The following HLA-DMB variants were observed in gnomAD, a reference collection of about 807,000 sequenced individuals.
The protein encoded by HLA-DMB is HLA class II histocompatibility antigen, DM beta chain.
In HLA-DMB, 18 loss-of-function variants were observed where a neutral mutation model predicts 29.3. The ratio of observed to expected loss-of-function variants is 0.62; its 90% CI spans 0.43 to 0.91. The LOEUF (loss-of-function observed/expected upper bound fraction) is 0.91, where lower values mean the gene tolerates loss of function less well. Ranked by LOEUF, HLA-DMB falls within the 40% of genes least tolerant of loss-of-function variation. The pLI is 0.00. For synonymous variants in HLA-DMB, 143 were observed against 128.7 expected (o/e 1.11, Z -0.75); for missense variants, 258 against 320.9 (o/e 0.80, Z 1.50).
chr6:32,935,808 C>T, intron 3 of HLA-DMB, 156 bp from the exon 4 acceptor site: 2 of 621,372 alleles, frequency 3.2e-6, no homozygotes, highest in Non-Finnish European at 5.8e-6. Flanking sequence ...TGATCTTTCT[C>T]AAATCAAACC....
chr6:32,935,405 CA>C, intron 4 of HLA-DMB, 28 bp from the exon 5 acceptor site: 2 of 1,590,872 alleles, frequency 1.3e-6, no homozygotes, highest in Non-Finnish European at 1.7e-6. Flanking sequence ...TTGATTATAC[CA>C]GTCTTTGTGG....
rs1328546953 is a variant in HLA-DMB, at chr6:32,937,232, C to T, written c.562G>A (p.Asp188Asn). ...TGCTCTACCACACAGGTGTAAGTGT[C>T]CCCGTAAGAGGGGGTTAAGGCTAAA... ...SHLALTPSYG[D>N]TYTCVVEHTG... The change falls in exon 3 of 6, where the codon GAC becomes AAC. Residue 188 changes from aspartate (D) to asparagine (N), a missense_variant. By Grantham distance (23) the Asp-to-Asn change is conservative. Transcript: ENST00000418107. The surrounding 1 kb of genome is among the most constrained non-coding windows in gnomAD (Gnocchi z 4.1). 6.2e-7 allele frequency: 1 copy of T among 1,613,824 alleles called. No individual in the cohort carries two copies. The highest frequency in any genetic ancestry group is 2.2e-5 in the East Asian group (1 of 44,846).
In HLA-DMB at chr6:32,940,671, T is replaced by C; in HGVS notation, c.55+82A>G. ...CCAGGGAGACAAACTATCTGGGGTGTCAAATGCAATTACAAAACGGAACAC... is the reference window on the plus strand; with the variant it reads ...CCAGGGAGACAAACTATCTGGGGTGCCAAATGCAATTACAAAACGGAACAC... On this transcript the variant is annotated intron_variant, in intron 1 of 5. Transcript: ENST00000418107. The C allele has an allele frequency of 2.9e-6, 3 of 1,034,220 alleles. No individual in the cohort carries two copies. In the East Asian group the frequency reaches 7.8e-5, roughly 27 times the overall value. 64.1% of individuals were successfully genotyped at this position (1,034,220 alleles called of 1,614,324 possible).
intron 5 of HLA-DMB, 49 bp downstream of exon 5, chr6:32,935,293 G>A (rs374827604): frequency 2.4e-5 from 35 of 1,484,394 alleles, no homozygotes; most frequent in East Asian, 4.5e-5. Context: ...CCTCTAACCC[G>A]CACCCCTACC....
chr6:32,938,444 A>C (rs139288351), intron 2 of HLA-DMB: 1 of 402,270 alleles, frequency 2.5e-6, no homozygotes, highest in African/African-American at 2.1e-5. Flanking sequence ...CCTCTGCATA[A>C]GCTCCCCACA....
rs1776087231 is a variant in HLA-DMB, at chr6:32,937,613, A to C, written c.338-157T>G. On this transcript the variant is annotated intron_variant, in intron 2 of 5. Coordinates refer to ENST00000418107, the MANE Select transcript of HLA-DMB (RefSeq NM_002118.5). This position sits in a 1 kb window ranked among gnomAD's most constrained non-coding sequence, Gnocchi z 4.1. ...CTGCCCCTTGAAGGGGAACCGTTAG[A>C]ATGTATTCCTGCATTACTCTTTCTT... The C allele has an allele frequency of 1.6e-6, 1 of 623,194 alleles. No individual in the cohort carries two copies. Among genetic ancestry groups the C allele is most frequent in the Non-Finnish European group, 2.8e-6 (1 of 355,988 alleles). The allele number at this position is 623,194 out of a possible 1,614,324, so 38.6% of individuals were successfully genotyped here.
chr6:32,938,454 A>G, intron 2 of HLA-DMB: 1 of 410,634 alleles, frequency 2.4e-6, no homozygotes, highest in Non-Finnish European at 4.3e-6. Flanking sequence ...AGCTCCCCAC[A>G]TGGCACCTCG....
chr6:32,935,498 G>A, intron 4 of HLA-DMB, 38 bp downstream of exon 4: 1 of 1,555,674 alleles, frequency 6.4e-7, no homozygotes, highest in Non-Finnish European at 8.9e-7. Flanking sequence ...CAGAGAGTGG[G>A]ACCAAGAGTG....
chr6:32,936,765 G>A (rs1309227991), intron 3 of HLA-DMB: 2 of 159,602 alleles, frequency 1.3e-5, no homozygotes, highest in African/African-American at 4.8e-5. Context: ...TGAAATCTAA[G>A]GAGGCTAGAA....
intron 4 of HLA-DMB, 27 bp from the exon 5 acceptor site, chr6:32,935,404 C>G: frequency 1.3e-6 from 2 of 1,592,834 alleles, no homozygotes; most frequent in Non-Finnish European, 1.7e-6. Context: ...CTTGATTATA[C>G]CAGTCTTTGT....
In HLA-DMB at chr6:32,935,659, A is replaced by G. The variant is rs1020513349; in HGVS notation, c.623-7T>C. 1.9e-6 allele frequency: 3 copies of G among 1,605,622 alleles called. No individual in the cohort carries two copies. The Admixed American group carries it at 5.0e-5, about 27-fold the overall frequency. ...ATGGGGGACAGCCCAGGTGCTGCAA[A>G]AAATAGAAACTTACTTGACCCAGTT... is the stretch of plus-strand genomic sequence containing the variant. On this transcript the variant is annotated splice_polypyrimidine_tract_variant and splice_region_variant and intron_variant, in intron 3 of 5. Transcript: ENST00000418107.
intron 3 of HLA-DMB, chr6:32,935,876 T>A: frequency 3.5e-6 from 2 of 578,548 alleles, no homozygotes; most frequent in South Asian, 4.3e-5. Flanking sequence ...TCCCCAGAAT[T>A]AGCATCCTGG....
At chr6:32,939,778 A>G (rs534594047) in intron 1 of HLA-DMB, among the ~76,000 whole-genome samples, 1 of 152,332 alleles carries the variant, frequency 6.6e-6, no homozygotes. Flanking sequence ...TACAATAATA[A>G]GTAAACTTTT....
At chr6:32,938,574 T>C in intron 2 of HLA-DMB, 110 bp downstream of exon 2, 2 of 1,096,856 alleles carry the variant, frequency 1.8e-6, no homozygotes, top group South Asian at 4.3e-5. Flanking sequence ...CCACACATTT[T>C]CTCTTATTTG....
rs117660980 is a variant in HLA-DMB at position 32,937,544 on chromosome 6, G to A, written c.338-88C>T. The A allele has an allele frequency of 4.0e-5, 55 of 1,372,638 alleles. No individual in the cohort carries two copies. The highest frequency in any genetic ancestry group is 9.3e-5 in the East Asian group (4 of 43,084). 85.0% of individuals were successfully genotyped at this position (1,372,638 alleles called of 1,614,324 possible). On this transcript the variant is annotated intron_variant, in intron 2 of 5. Coordinates refer to ENST00000418107, the MANE Select transcript of HLA-DMB (RefSeq NM_002118.5). The surrounding 1 kb of genome is among the most constrained non-coding windows in gnomAD (Gnocchi z 4.1). ...GGTTTCTTCCCTATCGCAACTCTTC[G>A]TAGATTTTGCAACCCACTTTCCACC...
chr6:32,937,350 C>A lies in HLA-DMB; in HGVS notation c.444G>T (p.Thr148=). The change falls in exon 3 of 6, where the codon ACG becomes ACT. Residue 148 remains threonine (T), a synonymous_variant. Transcript: ENST00000418107. The surrounding 1 kb of genome is among the most constrained non-coding windows in gnomAD (Gnocchi z 4.1). ...WGFYPAEVTI[T]WRKNGKLVMP... is the part of the protein sequence containing the mutation. ...TGACAAGCTTCCCGTTCTTCCTCCA[C>A]GTGATAGTCACTTCTGCTGGATAGA... The A allele has an allele frequency of 6.2e-7, 1 of 1,614,208 alleles. No homozygotes were observed. The highest frequency in any genetic ancestry group is 2.2e-5 in the East Asian group (1 of 44,886).
Position 32,937,463 on chromosome 6 carries a change from A to C in HLA-DMB, c.338-7T>G. On this transcript the variant is annotated splice_polypyrimidine_tract_variant and splice_region_variant and intron_variant, in intron 2 of 5. Coordinates refer to ENST00000418107, the MANE Select transcript of HLA-DMB (RefSeq NM_002118.5). The surrounding 1 kb of genome is among the most constrained non-coding windows in gnomAD (Gnocchi z 4.1). ...ACTTGCACAGATGGTGGCCCTGCAT[A>C]GGAGAAAAAAACATGTTTAGGAAGG... 6.2e-7 allele frequency: 1 copy of C among 1,607,204 alleles called. No homozygotes were observed. Among genetic ancestry groups the C allele is most frequent in the Non-Finnish European group, 8.5e-7 (1 of 1,175,132 alleles).
At chr6:32,936,675 T>G (rs1426358376) in intron 3 of HLA-DMB, 1 of 153,304 alleles carries the variant, frequency 6.5e-6, no homozygotes, top group East Asian at 1.9e-4. Flanking sequence ...AATGCAGTAC[T>G]GCCCCACACC....
In HLA-DMB at chr6:32,934,898, T is replaced by G; in HGVS notation, c.*73A>C. On this transcript the variant is annotated 3_prime_UTR_variant, in exon 6 of 6. Transcript: ENST00000418107. ...AGATAATGTCAGGGGGTTGAAGATGTTGGAGAGGCATGGTAGCATCATTGA... is the reference window on the plus strand; with the variant it reads ...AGATAATGTCAGGGGGTTGAAGATGGTGGAGAGGCATGGTAGCATCATTGA... 2.9e-6 allele frequency: 4 copies of G among 1,388,038 alleles called. No homozygotes were observed. The highest frequency in any genetic ancestry group is 4.1e-6 in the Non-Finnish European group (4 of 975,730). 86.0% of individuals were successfully genotyped at this position (1,388,038 alleles called of 1,614,324 possible).
Sources: allele counts gnomAD v4.1 joint callset (sites outside exome capture counted in the v4.1 genomes callset), GRCh38; gene constraint gnomAD v4.1.1; non-coding constraint Gnocchi (gnomAD v3.1); transcripts MANE v1.5; gene names NCBI Gene and HGNC (gene_info 2026-07-23, HGNC 2026-07-21).